STAT3: variants seen among roughly 807,000 people sequenced by gnomAD.
STAT3 encodes signal transducer and activator of transcription 3, also known as DNA-binding protein APRF.
Under a neutral mutation model 114.3 loss-of-function variants are expected in STAT3, and 7 were observed. The ratio of observed to expected loss-of-function variants is 0.06; its 90% CI spans 0.03 to 0.11. The LOEUF is 0.11. Among genes scored for constraint, STAT3 ranks in the 10% least tolerant of loss-of-function variants. The probability of loss-of-function intolerance (pLI) is 1.00; values close to 1 mark genes in which losing one functional copy is unlikely to be tolerated. For synonymous variants in STAT3, 331 were observed against 354.5 expected (o/e 0.93, Z 0.74); for missense variants, 364 against 960.9 (o/e 0.38, Z 8.21).
At chr17:42,369,083 C>T (rs1441955920) in intron 1 of STAT3, among the ~76,000 whole-genome samples, 1 of 152,104 alleles carries the variant, frequency 6.6e-6, no homozygotes, top group East Asian at 1.9e-4. Flanking sequence ...TGATCTCAGC[C>T]GAGCACGGTG....
intron 1 of STAT3, among the ~76,000 whole-genome samples, chr17:42,373,701 C>T (rs8073836): frequency 0.52 from 79,200 of 151,516 alleles, 22,112 homozygotes; most frequent in Admixed American, 0.69. Flanking sequence ...CATCCTAACA[C>T]GGTGAAACCC....
intron 8 of STAT3, among the ~76,000 whole-genome samples, chr17:42,334,434 C>T (rs1163133564): frequency 7.0e-6 from 1 of 143,188 alleles, no homozygotes; most frequent in African/African-American, 2.6e-5. Flanking sequence ...GCCACTGCGC[C>T]TGGCCTTTTT....
chr17:42,384,853 C>G (rs13342031), intron 1 of STAT3, among the ~76,000 whole-genome samples: 44,337 of 151,974 alleles, frequency 0.29, 6,735 homozygotes, highest in East Asian at 0.4. Context: ...ACCGCAAATT[C>G]TTTACACCTA....
At position 42,322,289 on chromosome 17, in the gene STAT3, G is replaced by C. The variant is rs1567707267; in HGVS notation, c.2094C>G (p.Asp698Glu). The C allele has an allele frequency of 6.2e-7, 1 of 1,614,154 alleles. No homozygotes were observed. The highest frequency in any genetic ancestry group is 8.5e-7 in the Non-Finnish European group (1 of 1,180,022). ...ACATGGAAAATCAACAACTACCTGG[G>C]TCAGCTTCAGGATGCTCCTGGCTCT... ...RPESQEHPEA[D>E]PGSAAPYLKT... The change falls in exon 21 of 24, where the codon GAC becomes GAG. Residue 698 changes from aspartate (D) to glutamate (E), a missense_variant. Asp to Glu is a conservative substitution (Grantham distance 45, BLOSUM62 2). Coordinates refer to ENST00000264657, the MANE Select transcript of STAT3 (RefSeq NM_139276.3).
chr17:42,326,231 G>A lies in STAT3; in HGVS notation c.1282-32C>T, dbSNP rs1190982420. 9 of 1,602,536 alleles carry A rather than the reference G, an allele frequency of 5.6e-6. No individual in the cohort carries two copies. In the South Asian group the frequency reaches 7.7e-5, roughly 14 times the overall value. ...TAACGAGAAGGACACTCTTAGGCCA[G>A]GTGTGGTGGCTCATGCCTGTAATCC... On this transcript the variant is annotated intron_variant, in intron 14 of 23. Transcript: ENST00000264657.
rs200623682 is a variant in STAT3, at chr17:42,333,711, G to A, written c.1011C>T (p.Leu337=). The change falls in exon 10 of 24, where the codon CTC becomes CTT. Residue 337 remains leucine, a synonymous_variant. Transcript: ENST00000264657. The surrounding 1 kb of genome is among the most constrained non-coding windows in gnomAD (Gnocchi z 5.2). ...TGAACTGGACGCCGGTCTTGATGACGAGGGGCCGGTCAGGATGCATGGGCA... is the reference window on the plus strand; with the variant it reads ...TGAACTGGACGCCGGTCTTGATGACAAGGGGCCGGTCAGGATGCATGGGCA... ...PCMPMHPDRP[L]VIKTGVQFTT... 84 of 1,614,124 alleles carry A rather than the reference G, an allele frequency of 5.2e-5. No individual in the cohort carries two copies. The Admixed American group carries it at 8.0e-4, about 15-fold the overall frequency.
intron 21 of STAT3, 78 bp from the exon 22 acceptor site, chr17:42,317,302 T>A (rs1326609817): frequency 6.6e-7 from 1 of 1,515,684 alleles, no homozygotes; most frequent in Non-Finnish European, 9.0e-7. Flanking sequence ...GCCATCTGCC[T>A]CGGCAGGACT....
At chr17:42,364,840 C>A (rs1204163673) in intron 1 of STAT3, among the ~76,000 whole-genome samples, 1 of 152,194 alleles carries the variant, frequency 6.6e-6, no homozygotes, top group Non-Finnish European at 1.5e-5. Flanking sequence ...TCAATGCTTA[C>A]CTCAGTGCTT....
chr17:42,370,813 T>C (rs1438096299), intron 1 of STAT3, among the ~76,000 whole-genome samples: 2 of 150,046 alleles, frequency 1.3e-5, no homozygotes, highest in African/African-American at 4.9e-5. Flanking sequence ...CACTACGTAT[T>C]GGCCAGGCTG....
intron 1 of STAT3, among the ~76,000 whole-genome samples, chr17:42,361,928 G>A (rs1210265052): frequency 6.6e-6 from 1 of 152,234 alleles, no homozygotes; most frequent in Non-Finnish European, 1.5e-5. Context: ...AGCATTGTAA[G>A]TGTTTTGAGG....
chr17:42,316,981 A>T, intron 22 of STAT3, 80 bp from the exon 23 acceptor site: 1 of 1,571,126 alleles, frequency 6.4e-7, no homozygotes, highest in Non-Finnish European at 8.6e-7. Flanking sequence ...AACAAAACAC[A>T]CACACACAAG....
At chr17:42,315,867 A>C in intron 23 of STAT3, 67 bp from the exon 24 acceptor site, 1 of 1,612,592 alleles carries the variant, frequency 6.2e-7, no homozygotes. Flanking sequence ...CCACGCCCCC[A>C]GCCCTTCAGA....
At chr17:42,340,981 G>A (rs772984042) in intron 4 of STAT3, among the ~76,000 whole-genome samples, 15 of 152,082 alleles carry the variant, frequency 9.9e-5, no homozygotes, top group Non-Finnish European at 2.1e-4. Context: ...GGGTGGGGGT[G>A]CTGCTCTGCA....
rs1267896370 is a variant in STAT3 at position 42,356,539 on chromosome 17, A to ATAT, written c.-23-8001_-23-8000insATA. 5.9e-3 allele frequency among the ~76,000 whole-genome samples: 841 copies of ATAT among 142,978 alleles called. 15 individuals are homozygous for ATAT. The highest frequency in any genetic ancestry group is 0.02 in the African/African-American group (785 of 38,438). The allele number at this position is 142,978 out of a possible 152,430, so 93.8% of individuals were successfully genotyped here. On this transcript the variant is annotated intron_variant, in intron 1 of 23. Coordinates refer to ENST00000264657, the MANE Select transcript of STAT3 (RefSeq NM_139276.3). The stretch of plus-strand genomic sequence containing the variant: ...TGTGTGTGTGTATATATATATATAT[A>ATAT]TTTTTTTTTTTTTACATTGGAGTCA...
intron 4 of STAT3, among the ~76,000 whole-genome samples, chr17:42,339,946 C>T (rs7214964): frequency 0.074 from 11,311 of 152,044 alleles, 1,425 homozygotes; most frequent in African/African-American, 0.26. Context: ...GGGAGGACTG[C>T]TTGAGGCCAG....
intron 1 of STAT3, among the ~76,000 whole-genome samples, chr17:42,370,958 G>C (rs988808145): frequency 3.3e-5 from 5 of 152,080 alleles, no homozygotes; most frequent in African/African-American, 1.2e-4. Context: ...TTGTACAAAA[G>C]AGTTTTCAGG....
chr17:42,370,284 C>G (rs1308640338), intron 1 of STAT3, among the ~76,000 whole-genome samples: 1 of 149,336 alleles, frequency 6.7e-6, no homozygotes, highest in South Asian at 2.1e-4. Context: ...CTTGCTCTGT[C>G]GTCCAGGCTA....
intron 1 of STAT3, among the ~76,000 whole-genome samples, chr17:42,363,212 G>A (rs182927337): frequency 2.0e-5 from 3 of 152,240 alleles, no homozygotes; most frequent in Admixed American, 6.5e-5. Context: ...ATATTCTGAG[G>A]AATAGGCCAA....
In STAT3 at chr17:42,315,694, T is replaced by C. The variant is rs1186642802; in HGVS notation, c.*51A>G. On this transcript the variant is annotated 3_prime_UTR_variant, in exon 24 of 24. Transcript: ENST00000264657. Reference sequence around the variant, plus strand: ...TTTGGCTGTGTGAGGGGTGGCAGAATGCAGGTAGGCGCCTCAGTCGTATCT... The same window carrying C: ...TTTGGCTGTGTGAGGGGTGGCAGAACGCAGGTAGGCGCCTCAGTCGTATCT... 2 of 1,578,172 alleles carry C rather than the reference T, an allele frequency of 1.3e-6. No individual in the cohort carries two copies. Among genetic ancestry groups the C allele is most frequent in the Non-Finnish European group, 1.7e-6 (2 of 1,147,418 alleles).
Sources: allele counts gnomAD v4.1 joint callset (sites outside exome capture counted in the v4.1 genomes callset), GRCh38; gene constraint gnomAD v4.1.1; non-coding constraint Gnocchi (gnomAD v3.1); transcripts MANE v1.5; gene names NCBI Gene and HGNC (gene_info 2026-07-23, HGNC 2026-07-21).